Variants in PARM1 observed in about 807,000 individuals in gnomAD.
The protein encoded by PARM1 is WSC4, cell wall integrity and stress response component 4 homolog.
PARM1 carries 14 observed loss-of-function variants against 24.6 expected under a neutral mutation model. The ratio of observed to expected loss-of-function variants is 0.57; its 90% CI spans 0.38 to 0.89. PARM1 has a LOEUF of 0.89. Among genes scored for constraint, PARM1 ranks in the 40% least tolerant of loss-of-function variants. The pLI is 0.00. For missense variants in PARM1, 362 were observed against 380.4 expected (o/e 0.95, Z 0.40); for synonymous variants, 179 against 156.6 (o/e 1.14, Z -1.07).
chr4:75,040,815 T>C (rs1262007177), intron 3 of PARM1, among the ~76,000 whole-genome samples: 1 of 152,168 alleles, frequency 6.6e-6, no homozygotes, highest in Non-Finnish European at 1.5e-5. Flanking sequence ...CAAAGATATA[T>C]TGTTTGCTTT....
chr4:74,996,502 G>A (rs1280692195), intron 1 of PARM1, among the ~76,000 whole-genome samples: 2 of 152,176 alleles, frequency 1.3e-5, no homozygotes, highest in African/African-American at 2.4e-5. Context: ...AGTGGGCAGT[G>A]GGGAGTTGCT....
chr4:75,025,101 C>G (rs1245905930), intron 2 of PARM1, among the ~76,000 whole-genome samples: 2 of 152,228 alleles, frequency 1.3e-5, no homozygotes, highest in African/African-American at 4.8e-5. Context: ...GCTCTTCTCT[C>G]TCATTGTTCA....
intron 2 of PARM1, among the ~76,000 whole-genome samples, chr4:75,019,419 CT>C (rs1723047479): frequency 6.6e-6 from 1 of 152,262 alleles, no homozygotes; most frequent in Non-Finnish European, 1.5e-5. Context: ...CACATGTCCA[CT>C]GGTCTTTCAC....
At chr4:74,950,466 C>G (rs1721501388) in intron 1 of PARM1, among the ~76,000 whole-genome samples, 1 of 152,176 alleles carries the variant, frequency 6.6e-6, no homozygotes, top group Non-Finnish European at 1.5e-5. Context: ...TACAAGGACA[C>G]CAGTCATCCA....
chr4:75,025,781 A>G (rs1723173137), intron 2 of PARM1, among the ~76,000 whole-genome samples: 1 of 152,224 alleles, frequency 6.6e-6, no homozygotes, highest in African/African-American at 2.4e-5. Flanking sequence ...GGTAGGTAAC[A>G]TCCTTTTAGA....
At chr4:74,951,728 C>T (rs1296242761) in intron 1 of PARM1, among the ~76,000 whole-genome samples, 1 of 152,152 alleles carries the variant, frequency 6.6e-6, no homozygotes, top group African/African-American at 2.4e-5. Flanking sequence ...AGGATGATGA[C>T]TTCCAGCTTC....
chr4:74,997,864 T>C (rs1478120300), intron 1 of PARM1: 1 of 152,188 alleles, frequency 6.6e-6, no homozygotes, highest in Non-Finnish European at 1.5e-5. Context: ...TTTTTGAATA[T>C]TTTTTCTAAG....
intron 2 of PARM1, among the ~76,000 whole-genome samples, chr4:75,028,296 C>G (rs1409852287): frequency 2.6e-4 from 40 of 152,196 alleles, no homozygotes; most frequent in Admixed American, 2.6e-3. Flanking sequence ...TCGGCACACA[C>G]AGAGTTCTAA....
At position 75,012,435 on chromosome 4, in the gene PARM1, A is replaced by G; in HGVS notation, c.54A>G (p.Val18=). 1 of 1,613,854 alleles carries G rather than the reference A, an allele frequency of 6.2e-7. No homozygotes were observed. The highest frequency in any genetic ancestry group is 8.5e-7 in the Non-Finnish European group (1 of 1,179,788). Residue 18 remains valine, a synonymous_variant, in exon 2 of 4, where the codon GTA becomes GTG. Coordinates refer to ENST00000307428, the MANE Select transcript of PARM1 (RefSeq NM_015393.4). ...ALCILTAGWR[V]QSLPTSAPLS... ...CTGGCTTTTCCACAGGATGGAGGGT[A>G]CAGAGTCTGCCTACATCAGCTCCTT...
chr4:75,019,739 C>T (rs998944089), intron 2 of PARM1, among the ~76,000 whole-genome samples: 1 of 151,532 alleles, frequency 6.6e-6, no homozygotes, highest in African/African-American at 2.4e-5. Context: ...CGCGGTGGCT[C>T]ACGCCTGTAA....
chr4:74,952,810 GT>G (rs1476081301), intron 1 of PARM1, among the ~76,000 whole-genome samples: 6 of 152,178 alleles, frequency 3.9e-5, no homozygotes, highest in African/African-American at 1.4e-4. Context: ...AAAAGTGTGT[GT>G]TTATGTGTGT....
intron 1 of PARM1, chr4:74,967,747 G>A (rs1438403016): frequency 6.6e-6 from 1 of 152,200 alleles, no homozygotes; most frequent in Non-Finnish European, 1.5e-5. Context: ...TTGTTCTGCT[G>A]TCATTTAACT....
intron 1 of PARM1, among the ~76,000 whole-genome samples, chr4:74,968,502 ATGTCACACCCTGGTTATT>A (rs1341442186): frequency 1.3e-5 from 2 of 152,202 alleles, no homozygotes; most frequent in African/African-American, 4.8e-5. Flanking sequence ...AAATTTTTAC[ATGTCACACCCTGGTTATT>A]TGTCAGTGTG....
intron 2 of PARM1, among the ~76,000 whole-genome samples, chr4:75,028,445 T>C (rs1207423509): frequency 6.6e-6 from 1 of 152,114 alleles, no homozygotes; most frequent in East Asian, 1.9e-4. Flanking sequence ...CGGCACACCC[T>C]GAAGTGGCCA....
intron 1 of PARM1, among the ~76,000 whole-genome samples, chr4:74,943,915 T>C (rs1427783317): frequency 1.3e-5 from 2 of 152,228 alleles, no homozygotes; most frequent in Non-Finnish European, 2.9e-5. Context: ...GGGCATTTCC[T>C]TGACCTTAGA....
intron 1 of PARM1, among the ~76,000 whole-genome samples, chr4:74,999,382 A>G (rs1017017712): frequency 6.6e-6 from 1 of 152,120 alleles, no homozygotes; most frequent in Non-Finnish European, 1.5e-5. Flanking sequence ...CTGTGGGGAG[A>G]ATAGGTGGTA....
At chr4:74,959,455 G>T (rs1208521688) in intron 1 of PARM1, among the ~76,000 whole-genome samples, 2 of 152,130 alleles carry the variant, frequency 1.3e-5, no homozygotes, top group Non-Finnish European at 2.9e-5. Flanking sequence ...GGGTTCTGAT[G>T]TTCCACTCAG....
intron 2 of PARM1, among the ~76,000 whole-genome samples, chr4:75,019,471 G>A (rs539829852): frequency 2.5e-4 from 38 of 152,272 alleles, no homozygotes; most frequent in African/African-American, 6.7e-4. Flanking sequence ...ACACACAACC[G>A]TGAAAATTGG....
intron 1 of PARM1, among the ~76,000 whole-genome samples, chr4:75,009,129 C>G (rs1222096677): frequency 6.6e-6 from 1 of 152,188 alleles, no homozygotes; most frequent in Non-Finnish European, 1.5e-5. Flanking sequence ...ACCACCGTAA[C>G]AGCATGGAAT....
Sources: allele counts gnomAD v4.1 joint callset (sites outside exome capture counted in the v4.1 genomes callset), GRCh38; gene constraint gnomAD v4.1.1; transcripts MANE v1.5; gene names NCBI Gene and HGNC (gene_info 2026-07-23, HGNC 2026-07-21).